ERC2: variants seen among roughly 807,000 people sequenced by gnomAD.
ERC2 encodes the protein ELKS/RAB6-interacting/CAST family member 2.
Under a neutral mutation model 114.8 loss-of-function variants are expected in ERC2, and 42 were observed. The ratio of observed to expected loss-of-function variants is 0.37; its 90% CI spans 0.29 to 0.47. ERC2 has a LOEUF of 0.47. Ranked by LOEUF, ERC2 falls within the 20% of genes least tolerant of loss-of-function variation. The pLI is 0.99. For missense variants in ERC2, 939 were observed against 1,150.7 expected (o/e 0.82, Z 2.66); for synonymous variants, 454 against 425.5 (o/e 1.07, Z -0.82).
At chr3:55,517,571 A>C (rs1466757620) in intron 17 of ERC2, among the ~76,000 whole-genome samples, 1 of 152,134 alleles carries the variant, frequency 6.6e-6, no homozygotes, top group African/African-American at 2.4e-5. Context: ...TTGCATGGCT[A>C]TTAAAGTAAA....
At chr3:55,582,126 A>G (rs780289801) in intron 17 of ERC2, among the ~76,000 whole-genome samples, 4 of 152,022 alleles carry the variant, frequency 2.6e-5, no homozygotes, top group Non-Finnish European at 4.4e-5. Flanking sequence ...CTAAAACAAC[A>G]TGTCCCATAG....
chr3:55,772,397 C>T (rs1278343015), intron 14 of ERC2, among the ~76,000 whole-genome samples: 1 of 151,710 alleles, frequency 6.6e-6, no homozygotes, highest in Non-Finnish European at 1.5e-5. Flanking sequence ...TCACTGCAAG[C>T]TCCGCCTCCC....
chr3:56,044,017 G>A (rs2075334346), intron 7 of ERC2, among the ~76,000 whole-genome samples: 1 of 152,140 alleles, frequency 6.6e-6, no homozygotes, highest in Non-Finnish European at 1.5e-5. Context: ...GTACTCAAAG[G>A]ATTAAATTAA....
intron 17 of ERC2, among the ~76,000 whole-genome samples, chr3:55,669,075 T>C (rs2061460426): frequency 6.6e-6 from 1 of 152,330 alleles, no homozygotes; most frequent in Middle Eastern, 3.4e-3. Flanking sequence ...TTTCATCTTA[T>C]CAACAAAGAA....
intron 7 of ERC2, among the ~76,000 whole-genome samples, chr3:56,056,718 T>G (rs2076029722): frequency 6.6e-6 from 1 of 152,198 alleles, no homozygotes; most frequent in Admixed American, 6.5e-5. Flanking sequence ...AAGTGCTCTC[T>G]GACCGGTTTT....
chr3:55,738,219 A>G (rs1351742376), intron 14 of ERC2, among the ~76,000 whole-genome samples: 1 of 152,154 alleles, frequency 6.6e-6, no homozygotes, highest in Non-Finnish European at 1.5e-5. Flanking sequence ...TTTTCGACAT[A>G]CAAATGTATA....
chr3:56,420,946 A>G (rs1421601420), intron 2 of ERC2, among the ~76,000 whole-genome samples: 1 of 152,146 alleles, frequency 6.6e-6, no homozygotes, highest in Non-Finnish European at 1.5e-5. Flanking sequence ...GATTTTATAG[A>G]AAGTGGAGAC....
intron 17 of ERC2, among the ~76,000 whole-genome samples, chr3:55,591,574 C>CGTGTGTGTGT (rs3059305): frequency 6.7e-6 from 1 of 148,152 alleles, no homozygotes; most frequent in Non-Finnish European, 1.5e-5. Context: ...AGTTTGTGTG[C>CGTGTGTGTGT]GTGTGTGTGT....
chr3:55,549,950 G>GAGAGAGAGATAC (rs1553699170), intron 17 of ERC2, among the ~76,000 whole-genome samples: 62 of 142,058 alleles, frequency 4.4e-4, no homozygotes, highest in Non-Finnish European at 8.1e-4. Flanking sequence ...GAGAGAGAGA[G>GAGAGAGAGATAC]AGAGAGAGAC....
chr3:56,036,799 A>G (rs1168153189), intron 7 of ERC2, among the ~76,000 whole-genome samples: 1 of 152,146 alleles, frequency 6.6e-6, no homozygotes, highest in Non-Finnish European at 1.5e-5. Context: ...CCATGCCACC[A>G]GAGCCGTGGG....
intron 6 of ERC2, among the ~76,000 whole-genome samples, chr3:56,107,885 A>C (rs9827514): frequency 0.17 from 26,004 of 151,992 alleles, 2,395 homozygotes; most frequent in African/African-American, 0.23. Context: ...AAGATATACT[A>C]CTCAACAACA....
At chr3:56,433,688 C>T (rs948092917) in intron 2 of ERC2, 1 of 152,486 alleles carries the variant, frequency 6.6e-6, no homozygotes, top group Non-Finnish European at 1.5e-5. Context: ...CACCAGGAAC[C>T]TGTTTTTCCT....
intron 17 of ERC2, among the ~76,000 whole-genome samples, chr3:55,670,235 C>T (rs1474411763): frequency 2.0e-5 from 3 of 152,120 alleles, no homozygotes; most frequent in African/African-American, 7.2e-5. Flanking sequence ...ACACTCTTAC[C>T]CCATGAGATC....
chr3:55,521,005 G>T (rs957902420), intron 17 of ERC2, among the ~76,000 whole-genome samples: 3 of 152,196 alleles, frequency 2.0e-5, no homozygotes, highest in Admixed American at 6.5e-5. Flanking sequence ...GATATCTCAA[G>T]TTTACTGACC....
chr3:55,847,274 AT>A (rs2061406956), intron 14 of ERC2, among the ~76,000 whole-genome samples: 1 of 152,190 alleles, frequency 6.6e-6, no homozygotes, highest in African/African-American at 2.4e-5. Context: ...AATTAATTAA[AT>A]GAGGATTTTC....
At chr3:55,689,327 T>C (rs915534834) in intron 16 of ERC2, among the ~76,000 whole-genome samples, 5 of 152,160 alleles carry the variant, frequency 3.3e-5, no homozygotes, top group Non-Finnish European at 5.9e-5. Flanking sequence ...TCAAGCAAAA[T>C]AGCTGTGACA....
At chr3:56,359,324 A>C (rs2058859186) in intron 2 of ERC2, among the ~76,000 whole-genome samples, 1 of 152,230 alleles carries the variant, frequency 6.6e-6, no homozygotes, top group Non-Finnish European at 1.5e-5. Flanking sequence ...ACAGCTTAGA[A>C]ATAAGATCAG....
At chr3:55,683,058 A>T (rs1247920391) in intron 17 of ERC2, among the ~76,000 whole-genome samples, 1 of 152,248 alleles carries the variant, frequency 6.6e-6, no homozygotes, top group Non-Finnish European at 1.5e-5. Context: ...GCTAAAGATC[A>T]GCTTTTAAAA....
chr3:56,384,353 T>C (rs1189833574), intron 2 of ERC2, among the ~76,000 whole-genome samples: 3 of 152,198 alleles, frequency 2.0e-5, no homozygotes, highest in Non-Finnish European at 2.9e-5. Flanking sequence ...CTCTATTTAC[T>C]CACCAACACT....
Sources: gnomAD v4.1 joint callset for allele counts (sites outside exome capture counted in the v4.1 genomes callset) on GRCh38, gnomAD v4.1.1 for gene constraint, MANE v1.5 for transcripts, NCBI Gene and HGNC (gene_info 2026-07-23, HGNC 2026-07-21) for gene names.